The following KCNG2 variants were observed in gnomAD, a reference collection of about 807,000 sequenced individuals.
The protein encoded by KCNG2 is potassium voltage-gated channel modifier subfamily G member 2.
Under a neutral mutation model 12.3 loss-of-function variants are expected in KCNG2, and 7 were observed. The observed-to-expected ratio is 0.57, with a 90% CI of 0.32 to 1.07. The LOEUF is 1.07. Ranked by LOEUF, KCNG2 falls within the 50% of genes least tolerant of loss-of-function variation. The pLI is 0.04. For missense variants in KCNG2, 703 were observed against 726.0 expected (o/e 0.97, Z 0.36); for synonymous variants, 414 against 351.4 (o/e 1.18, Z -1.99).
intron 1 of KCNG2, among the ~76,000 whole-genome samples, chr18:79,830,901 G>T (rs1189369218): frequency 1.7e-5 from 2 of 115,758 alleles, no homozygotes; most frequent in Admixed American, 8.3e-5. Context: ...CGTCAGGAGG[G>T]TTCCCTGCGG....
chr18:79,859,080 A>G (rs949693280), intron 2 of KCNG2, among the ~76,000 whole-genome samples: 3 of 152,078 alleles, frequency 2.0e-5, no homozygotes, highest in Non-Finnish European at 4.4e-5. Context: ...ATGAAGTCCA[A>G]TTTATCTTTT....
rs1599432900 is a variant in KCNG2, at chr18:79,887,791, C to T, written c.625-11249C>T. Among the ~76,000 whole-genome samples, 3 of 152,306 alleles carry T rather than the reference C, an allele frequency of 2.0e-5. No homozygotes were observed. The South Asian group carries it at 6.2e-4, about 32-fold the overall frequency. On this transcript the variant is annotated intron_variant, in intron 3 of 3. Coordinates refer to ENST00000316249, the MANE Select transcript of KCNG2 (RefSeq NM_012283.2). Reference sequence around the variant, plus strand: ...CAGATCGGGGCTCGGGGGGTGGCTCCCCCACTTTTCCCAGGGCCTGTGAAG... The same window carrying T: ...CAGATCGGGGCTCGGGGGGTGGCTCTCCCACTTTTCCCAGGGCCTGTGAAG...
At chr18:79,848,534 C>T (rs748830741) in intron 1 of KCNG2, among the ~76,000 whole-genome samples, 1 of 152,238 alleles carries the variant, frequency 6.6e-6, no homozygotes, top group Non-Finnish European at 1.5e-5. Context: ...CTCAGGCCCA[C>T]CCTAGGGGCC....
intron 3 of KCNG2, among the ~76,000 whole-genome samples, chr18:79,867,460 G>C (rs963868654): frequency 8.0e-6 from 1 of 125,220 alleles, no homozygotes; most frequent in African/African-American, 2.8e-5. Flanking sequence ...TCTTGGGGGG[G>C]GGACCGTGAG....
intron 1 of KCNG2, among the ~76,000 whole-genome samples, chr18:79,820,285 T>C (rs569871124): frequency 6.6e-6 from 1 of 152,344 alleles, no homozygotes; most frequent in African/African-American, 2.4e-5. Context: ...ATGTATCCTG[T>C]TTGAGTTCCT....
chr18:79,854,445 C>T (rs1978936259), intron 1 of KCNG2, among the ~76,000 whole-genome samples: 1 of 152,080 alleles, frequency 6.6e-6, no homozygotes, highest in African/African-American at 2.4e-5. Context: ...CACGATTCCT[C>T]ATCCTCAAAG....
At chr18:79,836,290 C>T (rs150548593) in intron 1 of KCNG2, among the ~76,000 whole-genome samples, 7 of 152,162 alleles carry the variant, frequency 4.6e-5, no homozygotes, top group Non-Finnish European at 1.0e-4. Context: ...AGAGGAGAAA[C>T]GTTATGTAAA....
intron 3 of KCNG2, 49 bp downstream of exon 3, chr18:79,864,340 C>T (rs1483394411): frequency 4.7e-6 from 2 of 424,344 alleles, no homozygotes; most frequent in Admixed American, 9.8e-5. Context: ...TGGGGCTGGG[C>T]TGGGATCTGG....
At chr18:79,858,677 TC>T (rs1204171035) in intron 2 of KCNG2, among the ~76,000 whole-genome samples, 2 of 152,172 alleles carry the variant, frequency 1.3e-5, no homozygotes, top group Non-Finnish European at 2.9e-5. Context: ...CATTTTATAT[TC>T]CCACCAGCAA....
rs2087404658 is a variant in KCNG2 at position 79,800,897 on chromosome 18, T to C, written c.-115+2883T>C. On this transcript the variant is annotated intron_variant, in intron 1 of 3. Transcript: ENST00000316249. This position sits in a 1 kb window ranked among gnomAD's most constrained non-coding sequence, Gnocchi z 4.0. ...CAGGAGAACACCCAGACTCATGGAA[T>C]TGCTAACAGAAATCTTATCAACAGC... Among the ~76,000 whole-genome samples, 1 of 152,232 alleles carries C rather than the reference T, an allele frequency of 6.6e-6. No homozygotes were observed.
At chr18:79,799,426 G>A (rs2087390527) in intron 1 of KCNG2, among the ~76,000 whole-genome samples, 1 of 152,152 alleles carries the variant, frequency 6.6e-6, no homozygotes, top group Non-Finnish European at 1.5e-5. Flanking sequence ...CCTAGTTAGA[G>A]GGATGGGATT....
At chr18:79,844,175 A>G (rs571762110) in intron 1 of KCNG2, among the ~76,000 whole-genome samples, 1 of 152,326 alleles carries the variant, frequency 6.6e-6, no homozygotes, top group African/African-American at 2.4e-5. Flanking sequence ...GTGCCCATTC[A>G]TGGATGAGTG....
chr18:79,852,599 T>C (rs4798921), intron 1 of KCNG2, among the ~76,000 whole-genome samples: 137,927 of 152,356 alleles, frequency 0.91, 64,087 homozygotes, highest in East Asian at 1. Flanking sequence ...GGCTTCGCCC[T>C]GACAGTGACG....
intron 3 of KCNG2, among the ~76,000 whole-genome samples, chr18:79,875,068 C>T (rs972520511): frequency 1.3e-5 from 2 of 152,226 alleles, no homozygotes; most frequent in African/African-American, 4.8e-5. Context: ...CCATCTCACC[C>T]AGGGCTACCA....
chr18:79,855,758 C>CG lies in KCNG2; in HGVS notation c.-114-620dup, dbSNP rs1978988146. On this transcript the variant is annotated intron_variant, in intron 1 of 3. Transcript: ENST00000316249. ...GCCCTCGTGCTGTGACGGCCATTCC[C>CG]GTTCACCTCTGTCGTCACTGAACCA... 3.9e-5 allele frequency among the ~76,000 whole-genome samples: 6 copies of CG among 152,244 alleles called. No individual in the cohort carries two copies. The South Asian group carries it at 1.2e-3, about 32-fold the overall frequency.
At chr18:79,837,403 C>G (rs1477366499) in intron 1 of KCNG2, among the ~76,000 whole-genome samples, 1 of 152,200 alleles carries the variant, frequency 6.6e-6, no homozygotes, top group Non-Finnish European at 1.5e-5. Context: ...GAGGATCTAC[C>G]ATTCTGGGGT....
Position 79,888,436 on chromosome 18 carries a change from C to T in KCNG2, c.625-10604C>T, listed in dbSNP as rs374216901. On this transcript the variant is annotated intron_variant, in intron 3 of 3. Transcript: ENST00000316249. ...CCTCCTCATGAGGCCGCGGTGGGGC[C>T]GGGACGGCGGCGTCCTCCTCATGAG... is the stretch of plus-strand genomic sequence containing the variant. Among the ~76,000 whole-genome samples the T allele has an allele frequency of 1.4e-3, 133 of 97,702 alleles. 2 individuals are homozygous for T. Among genetic ancestry groups the T allele is most frequent in the East Asian group, 7.2e-3 (14 of 1,940 alleles). The allele number at this position is 97,702 out of a possible 152,430, so 64.1% of individuals were successfully genotyped here. A position where few individuals can be genotyped will look rare whatever the true frequency, so the allele number is the denominator to read the frequency against.
At chr18:79,841,455 A>AG (rs1423566329) in intron 1 of KCNG2, among the ~76,000 whole-genome samples, 24 of 152,204 alleles carry the variant, frequency 1.6e-4, no homozygotes, top group Admixed American at 1.5e-3. Flanking sequence ...CCTTGTGTGA[A>AG]GGTTTTAAAG....
intron 1 of KCNG2, among the ~76,000 whole-genome samples, chr18:79,812,790 G>T (rs1023438142): frequency 1.3e-5 from 2 of 152,150 alleles, no homozygotes; most frequent in African/African-American, 4.8e-5. Flanking sequence ...GAACCCAGGA[G>T]GCAGAGGTTG....
Sources: gnomAD v4.1 joint callset for allele counts (sites outside exome capture counted in the v4.1 genomes callset) on GRCh38, gnomAD v4.1.1 for gene constraint, Gnocchi (gnomAD v3.1) non-coding constraint, MANE v1.5 for transcripts, NCBI Gene and HGNC (gene_info 2026-07-23, HGNC 2026-07-21) for gene names.